Variants in TMEM51 observed in about 807,000 individuals in gnomAD.
The protein encoded by TMEM51 is chromosome 1 open reading frame 72.
A neutral mutation model predicts 13.6 loss-of-function variants in TMEM51; 8 were observed. That is an observed-to-expected ratio of 0.59 (90% CI 0.35 to 1.07). The LOEUF (loss-of-function observed/expected upper bound fraction) is 1.07. Among genes scored for constraint, TMEM51 ranks in the 50% least tolerant of loss-of-function variants. TMEM51 has a pLI of 0.02. For missense variants in TMEM51, 279 were observed against 330.7 expected, an observed-to-expected ratio of 0.84 and a Z score of 1.21; for synonymous variants, 147 against 144.4, an observed-to-expected ratio of 1.02 and a Z score of -0.13.
At chr1:15,153,072 T>G (rs1642449968), upstream of TMEM51, among the ~76,000 whole-genome samples, 1 of 152,206 alleles carries the variant, frequency 6.6e-6, no homozygotes, top group African/African-American at 2.4e-5. Flanking sequence ...GAGGGCGCCC[T>G]GGGGACCACG....
chr1:15,172,093 C>T (rs1643297138), intron 1 of TMEM51, among the ~76,000 whole-genome samples: 1 of 152,152 alleles, frequency 6.6e-6, no homozygotes, highest in African/African-American at 2.4e-5. Flanking sequence ...AAAGTGGACT[C>T]TGTCCAGGCA....
chr1:15,201,073 T>A (rs538366743), intron 1 of TMEM51, among the ~76,000 whole-genome samples: 2 of 152,222 alleles, frequency 1.3e-5, no homozygotes, highest in African/African-American at 4.8e-5. Flanking sequence ...AATTCCTTCA[T>A]CCAGATAAAA....
chr1:15,195,210 A>C (rs1644024451), intron 1 of TMEM51, among the ~76,000 whole-genome samples: 1 of 152,062 alleles, frequency 6.6e-6, no homozygotes, highest in Non-Finnish European at 1.5e-5. Context: ...TGGGATTACA[A>C]GCGTGGGCCA....
Position 15,168,707 on chromosome 1 carries a change from G to A in TMEM51, c.-267+14753G>A, listed in dbSNP as rs530044174. The stretch of plus-strand genomic sequence containing the variant: ...AGAACACGCGTACTGTCTCTCCCAG[G>A]GTGAGCCAGTGACTGGGAACGTCTC... On this transcript the variant is annotated intron_variant, in intron 1 of 3. Transcript: ENST00000376008. 7.9e-5 allele frequency: 103 copies of A among 1,304,396 alleles called. 2 individuals carry two copies. The South Asian group carries it at 1.2e-3, about 16-fold the overall frequency. The allele number at this position is 1,304,396 out of a possible 1,614,324, so 80.8% of individuals were successfully genotyped here.
intron 1 of TMEM51, among the ~76,000 whole-genome samples, chr1:15,209,899 T>C (rs1269437802): frequency 6.6e-6 from 1 of 151,512 alleles, no homozygotes; most frequent in Non-Finnish European, 1.5e-5. Flanking sequence ...GGTGTGGGGG[T>C]GTGCGCCTGT....
In TMEM51 at chr1:15,176,972, C is replaced by A. The variant is rs568693290; in HGVS notation, c.-267+23018C>A. Among the ~76,000 whole-genome samples, 31 of 152,280 alleles carry A rather than the reference C, an allele frequency of 2.0e-4. No individual in the cohort carries two copies. In the South Asian group the frequency reaches 3.9e-3, roughly 19 times the overall value. On this transcript the variant is annotated intron_variant, in intron 1 of 3. Transcript: ENST00000376008. Reference sequence around the variant, plus strand: ...AAGAAGCAACGTATTTGGGAGCCAACTGAACATGGATATGGGCGGGAGTTG... The same window carrying A: ...AAGAAGCAACGTATTTGGGAGCCAAATGAACATGGATATGGGCGGGAGTTG...
intron 1 of TMEM51, among the ~76,000 whole-genome samples, chr1:15,158,122 A>C (rs978336889): frequency 2.6e-5 from 4 of 151,664 alleles, no homozygotes; most frequent in Non-Finnish European, 4.4e-5. Flanking sequence ...TCGTCATTAC[A>C]GTGCCTGTTA....
At chr1:15,160,630 A>G (rs891636127) in intron 1 of TMEM51, among the ~76,000 whole-genome samples, 5 of 152,080 alleles carry the variant, frequency 3.3e-5, no homozygotes, top group Non-Finnish European at 7.3e-5. Context: ...TTACCATAAG[A>G]GGCCTCACAT....
At chr1:15,180,777 T>A (rs192622647) in intron 1 of TMEM51, among the ~76,000 whole-genome samples, 1 of 152,194 alleles carries the variant, frequency 6.6e-6, no homozygotes, top group Non-Finnish European at 1.5e-5. Context: ...GCTATTATTA[T>A]CTAATTTAAT....
chr1:15,162,612 C>G (rs1386564520), intron 1 of TMEM51, among the ~76,000 whole-genome samples: 1 of 151,984 alleles, frequency 6.6e-6, no homozygotes, highest in East Asian at 1.9e-4. Flanking sequence ...TGAAAACAAC[C>G]CAAGTATCCA....
chr1:15,184,924 A>G (rs1239720366), intron 1 of TMEM51, among the ~76,000 whole-genome samples: 1 of 152,012 alleles, frequency 6.6e-6, no homozygotes, highest in Non-Finnish European at 1.5e-5. Context: ...TATACAACCG[A>G]CATTGCACAG....
At chr1:15,160,639 A>T (rs1241899395) in intron 1 of TMEM51, among the ~76,000 whole-genome samples, 1 of 152,086 alleles carries the variant, frequency 6.6e-6, no homozygotes, top group Non-Finnish European at 1.5e-5. Context: ...GAGGCCTCAC[A>T]TACAGCTTCC....
At chr1:15,164,724 C>T (rs1557831803) in intron 1 of TMEM51, among the ~76,000 whole-genome samples, 3 of 150,816 alleles carry the variant, frequency 2.0e-5, no homozygotes, top group African/African-American at 7.3e-5. Context: ...AAATGATAAA[C>T]TGGGGACAAT....
chr1:15,169,699 G>C (rs193289664), intron 1 of TMEM51, among the ~76,000 whole-genome samples: 156 of 152,280 alleles, frequency 1.0e-3, no homozygotes, highest in African/African-American at 2.9e-3. Flanking sequence ...GGTTATACAA[G>C]GGGAACACCA....
At chr1:15,153,681 G>A (rs1573358911), upstream of TMEM51, 1 of 152,000 alleles carries the variant, frequency 6.6e-6, no homozygotes, top group African/African-American at 2.4e-5. Context: ...CCGGGCTGGA[G>A]GCCGCTCCTG....
At chr1:15,171,637 G>A (rs1365224189) in intron 1 of TMEM51, among the ~76,000 whole-genome samples, 1 of 152,208 alleles carries the variant, frequency 6.6e-6, no homozygotes, top group Non-Finnish European at 1.5e-5. Context: ...GACCTCTAAA[G>A]TGTAATGGTC....
chr1:15,160,920 T>C (rs1182959970), intron 1 of TMEM51, among the ~76,000 whole-genome samples: 4 of 142,084 alleles, frequency 2.8e-5, no homozygotes, highest in African/African-American at 1.0e-4. Context: ...CTTAACAACA[T>C]GTGAATAAAG....
chr1:15,185,705 T>G (rs1643752676), intron 1 of TMEM51, among the ~76,000 whole-genome samples: 1 of 152,218 alleles, frequency 6.6e-6, no homozygotes, highest in Non-Finnish European at 1.5e-5. Flanking sequence ...GGGAGGAATT[T>G]TACCAGTCTG....
At chr1:15,219,137 A>G (rs902525531) in intron 3 of TMEM51, among the ~76,000 whole-genome samples, 189 bp from the exon 4 acceptor site, 1 of 152,202 alleles carries the variant, frequency 6.6e-6, no homozygotes, top group African/African-American at 2.4e-5. Flanking sequence ...ATTGGTTCAT[A>G]TTTGCTAAAA....
Sources: gnomAD v4.1 joint callset for allele counts (sites outside exome capture counted in the v4.1 genomes callset) on GRCh38, gnomAD v4.1.1 for gene constraint, MANE v1.5 for transcripts, NCBI Gene and HGNC (gene_info 2026-07-23, HGNC 2026-07-21) for gene names.